Variants in TMCC1 observed in about 807,000 individuals in gnomAD.
TMCC1 encodes transmembrane and coiled-coil domains protein 1.
Under a neutral mutation model 52.4 loss-of-function variants are expected in TMCC1, and 15 were observed. That is an observed-to-expected ratio of 0.29 (90% confidence interval 0.19 to 0.44). The LOEUF (loss-of-function observed/expected upper bound fraction) is 0.44. Among genes scored for constraint, TMCC1 ranks in the 20% least tolerant of loss-of-function variants. The pLI, the probability that TMCC1 is intolerant of heterozygous loss-of-function variation, is 1.00. For synonymous variants in TMCC1, 279 were observed against 301.9 expected (o/e 0.92, Z 0.79); for missense variants, 503 against 806.0 (o/e 0.62, Z 4.55).
chr3:129,791,169 C>A (rs1447460775), intron 4 of TMCC1, among the ~76,000 whole-genome samples: 6 of 146,738 alleles, frequency 4.1e-5, no homozygotes, highest in African/African-American at 1.5e-4. Flanking sequence ...TCTTGGCTCA[C>A]TGCAAGCTCC....
chr3:129,814,411 T>C (rs183435453), intron 4 of TMCC1, among the ~76,000 whole-genome samples: 1,612 of 151,996 alleles, frequency 0.011, 60 homozygotes, highest in Admixed American at 0.064. Context: ...ACAGATTCAC[T>C]AAAAATAAAA....
rs948245306 is a variant in TMCC1, at chr3:129,880,314, C to CA, written c.-190dup. ...TAGAAGAAAAAACGACATACCTCCTCAAAATCCCAGCAATAGCTTCCCTTT... is the reference window on the plus strand; with the variant it reads ...TAGAAGAAAAAACGACATACCTCCTCAAAAATCCCAGCAATAGCTTCCCTTT... On this transcript the variant is annotated 5_prime_UTR_variant, in exon 2 of 7. It introduces an in-frame stop codon into an upstream open reading frame of the 5' UTR. Coordinates refer to ENST00000393238, the MANE Select transcript of TMCC1 (RefSeq NM_001017395.5). The CA allele has an allele frequency of 2.0e-5, 3 of 152,176 alleles. No homozygotes were observed. Among genetic ancestry groups the CA allele is most frequent in the Non-Finnish European group, 4.4e-5 (3 of 68,030 alleles). The allele number at this position is 152,176 out of a possible 1,614,324, so 9.4% of individuals were successfully genotyped here.
chr3:129,847,203 A>G (rs1231643309), intron 2 of TMCC1: 3 of 152,246 alleles, frequency 2.0e-5, no homozygotes, highest in African/African-American at 7.2e-5. Context: ...AATGTGAACC[A>G]ATGAGCAAGC....
chr3:129,730,696 T>C (rs2050471264), intron 4 of TMCC1, among the ~76,000 whole-genome samples: 1 of 152,226 alleles, frequency 6.6e-6, no homozygotes, highest in Non-Finnish European at 1.5e-5. Context: ...AAAAAGGTCC[T>C]GCTGAGATTT....
chr3:129,795,165 T>C (rs141350846), intron 4 of TMCC1, among the ~76,000 whole-genome samples: 8 of 152,270 alleles, frequency 5.3e-5, no homozygotes, highest in African/African-American at 7.2e-5. Flanking sequence ...CCTGAGGTAA[T>C]TGCCCTCTCT....
chr3:129,702,249 G>GT (rs752613414), intron 4 of TMCC1, among the ~76,000 whole-genome samples: 2,109 of 126,714 alleles, frequency 0.017, 22 homozygotes, highest in Non-Finnish European at 0.021. Flanking sequence ...GTCCCCAATT[G>GT]TTTTTTTTTT....
intron 2 of TMCC1, among the ~76,000 whole-genome samples, chr3:129,833,577 AAAC>A (rs774371010): frequency 1.2e-4 from 18 of 152,148 alleles, no homozygotes; most frequent in African/African-American, 3.4e-4. Flanking sequence ...CTCAATTTTA[AAAC>A]AACAACAACA....
intron 4 of TMCC1, among the ~76,000 whole-genome samples, chr3:129,766,865 C>T (rs1285553796): frequency 6.6e-6 from 1 of 151,944 alleles, no homozygotes; most frequent in Non-Finnish European, 1.5e-5. Flanking sequence ...GTGATCTGCC[C>T]GCCTTAGCCT....
chr3:129,746,028 A>G (rs1012639994), intron 4 of TMCC1, among the ~76,000 whole-genome samples: 5 of 151,614 alleles, frequency 3.3e-5, no homozygotes, highest in African/African-American at 1.2e-4. Context: ...AAGTGCTGGG[A>G]TTACAGACAT....
intron 4 of TMCC1, chr3:129,794,491 T>C: frequency 2.6e-6 from 1 of 391,938 alleles, no homozygotes; most frequent in South Asian, 1.8e-5. Context: ...CTGGGAGTCT[T>C]AGCAAACTTG....
chr3:129,742,947 G>T (rs2107638759), intron 4 of TMCC1, among the ~76,000 whole-genome samples: 1 of 152,232 alleles, frequency 6.6e-6, no homozygotes, highest in East Asian at 1.9e-4. Flanking sequence ...ACGACATATT[G>T]TATGATTCCC....
intron 2 of TMCC1, among the ~76,000 whole-genome samples, chr3:129,872,480 C>T (rs2060976568): frequency 6.6e-6 from 1 of 152,184 alleles, no homozygotes. Flanking sequence ...TTAACAAGCT[C>T]CCCATGTAAT....
At position 129,828,926 on chromosome 3, in the gene TMCC1, C is replaced by A. The variant is rs2058777849; in HGVS notation, c.-130-418G>T. 2.6e-5 allele frequency among the ~76,000 whole-genome samples: 4 copies of A among 152,116 alleles called. No individual in the cohort carries two copies. Among genetic ancestry groups the A allele is most frequent in the Admixed American group, 2.6e-4 (4 of 15,270 alleles). ...GCAATTTAATCCCTCTCATTCATAA[C>A]CACAGTTAATTATTCACAGGCTGAA... is the stretch of plus-strand genomic sequence containing the variant. On this transcript the variant is annotated intron_variant, in intron 3 of 6. Coordinates refer to ENST00000393238, the MANE Select transcript of TMCC1 (RefSeq NM_001017395.5). The surrounding 1 kb of genome is among the most constrained non-coding windows in gnomAD (Gnocchi z 4.1).
intron 4 of TMCC1, among the ~76,000 whole-genome samples, chr3:129,806,109 A>G (rs2057447691): frequency 6.6e-6 from 1 of 152,180 alleles, no homozygotes; most frequent in African/African-American, 2.4e-5. Flanking sequence ...TTAGGGACAA[A>G]GAAGAGTTTA....
At chr3:129,857,792 T>C (rs1302753752) in intron 2 of TMCC1, among the ~76,000 whole-genome samples, 1 of 152,060 alleles carries the variant, frequency 6.6e-6, no homozygotes. Context: ...CTCGATCTCC[T>C]GATGTCATGA....
At chr3:129,887,758 A>G (rs1560626063) in intron 1 of TMCC1, among the ~76,000 whole-genome samples, 1 of 152,182 alleles carries the variant, frequency 6.6e-6, no homozygotes, top group Non-Finnish European at 1.5e-5. Flanking sequence ...GAGGGAAGTA[A>G]ATCAGTGAGA....
At chr3:129,863,445 T>C (rs1282610420) in intron 2 of TMCC1, among the ~76,000 whole-genome samples, 1 of 152,118 alleles carries the variant, frequency 6.6e-6, no homozygotes, top group Admixed American at 6.5e-5. Flanking sequence ...TTCTATAATC[T>C]AAACTTCATG....
intron 5 of TMCC1, among the ~76,000 whole-genome samples, chr3:129,667,688 C>A (rs979577532): frequency 5.3e-5 from 8 of 152,290 alleles, no homozygotes; most frequent in South Asian, 4.1e-4. Flanking sequence ...GAACTTAATT[C>A]TTCTAATGAG....
intron 1 of TMCC1, among the ~76,000 whole-genome samples, chr3:129,884,912 G>C (rs188298823): frequency 5.6e-4 from 84 of 150,686 alleles, no homozygotes; most frequent in African/African-American, 2.0e-3. Context: ...GGCTGAGGCA[G>C]GCAGGTTGCT....
Sources: gnomAD v4.1 joint callset for allele counts (sites outside exome capture counted in the v4.1 genomes callset) on GRCh38, gnomAD v4.1.1 for gene constraint, Gnocchi (gnomAD v3.1) non-coding constraint, MANE v1.5 for transcripts, NCBI Gene and HGNC (gene_info 2026-07-23, HGNC 2026-07-21) for gene names.